RIMS4: variants seen among roughly 807,000 people sequenced by gnomAD.
RIMS4 encodes regulating synaptic membrane exocytosis protein 4.
A neutral mutation model predicts 29.0 loss-of-function variants in RIMS4; 9 were observed. That is an observed-to-expected ratio of 0.31 (90% CI 0.19 to 0.54). RIMS4 has a LOEUF of 0.54. Among genes scored for constraint, RIMS4 ranks in the 20% least tolerant of loss-of-function variants. The pLI is 0.94. For missense variants in RIMS4, 193 were observed against 365.7 expected (o/e 0.53, Z 3.85); for synonymous variants, 130 against 152.9 (o/e 0.85, Z 1.10).
At chr20:44,782,738 G>A (rs868532254) in intron 1 of RIMS4, among the ~76,000 whole-genome samples, 51 of 152,262 alleles carry the variant, frequency 3.3e-4, no homozygotes, top group Middle Eastern at 3.4e-3. Flanking sequence ...TTCTCTATGT[G>A]TATTTCAAAA....
intron 1 of RIMS4, among the ~76,000 whole-genome samples, chr20:44,793,449 T>C (rs1268502814): frequency 6.6e-6 from 1 of 152,106 alleles, no homozygotes; most frequent in African/African-American, 2.4e-5. Context: ...CTCCCTCTGC[T>C]CCCATATCCA....
intron 1 of RIMS4, among the ~76,000 whole-genome samples, chr20:44,789,684 C>T (rs1342467442): frequency 6.6e-6 from 1 of 152,144 alleles, no homozygotes; most frequent in African/African-American, 2.4e-5. Flanking sequence ...GCCTCCTGAG[C>T]AGCTAGGACT....
At chr20:44,769,458 C>A (rs1229469642) in intron 2 of RIMS4, among the ~76,000 whole-genome samples, 1 of 152,198 alleles carries the variant, frequency 6.6e-6, no homozygotes, top group African/African-American at 2.4e-5. Flanking sequence ...CTCAAGCCCA[C>A]CCAGGGGCAT....
At chr20:44,791,341 G>C (rs143650707) in intron 1 of RIMS4, among the ~76,000 whole-genome samples, 73 of 152,344 alleles carry the variant, frequency 4.8e-4, no homozygotes, top group African/African-American at 1.7e-3. Context: ...GTGTTATGAG[G>C]ATGTTAGACT....
chr20:44,771,558 A>G (rs1245406300), intron 1 of RIMS4, 145 bp from the exon 2 acceptor site: 9 of 738,908 alleles, frequency 1.2e-5, no homozygotes, highest in Middle Eastern at 5.2e-4. Flanking sequence ...ACCTCCTCAG[A>G]CTCCTGGCCT....
At chr20:44,758,794 G>A (rs987125010) in intron 2 of RIMS4, among the ~76,000 whole-genome samples, 1 of 152,092 alleles carries the variant, frequency 6.6e-6, no homozygotes, top group African/African-American at 2.4e-5. Context: ...TGAACTATGG[G>A]GAGTGAGACG....
At chr20:44,757,060 G>T in intron 4 of RIMS4, 23 bp from the exon 5 acceptor site, 1 of 1,609,736 alleles carries the variant, frequency 6.2e-7, no homozygotes, top group Non-Finnish European at 8.5e-7. Flanking sequence ...GCCAGCAGGG[G>T]TGAGTTCTAG....
chr20:44,761,630 C>T (rs1195200756), intron 2 of RIMS4, among the ~76,000 whole-genome samples: 1 of 152,180 alleles, frequency 6.6e-6, no homozygotes, highest in Non-Finnish European at 1.5e-5. Flanking sequence ...GATGACGCAT[C>T]CGTTATTAGC....
At chr20:44,759,852 G>C (rs942118004) in intron 2 of RIMS4, among the ~76,000 whole-genome samples, 7 of 152,244 alleles carry the variant, frequency 4.6e-5, no homozygotes, top group African/African-American at 1.7e-4. Flanking sequence ...GTCCCCCAGT[G>C]TTCTGTTTTT....
chr20:44,777,180 C>T (rs1159605101), intron 1 of RIMS4, among the ~76,000 whole-genome samples: 1 of 152,186 alleles, frequency 6.6e-6, no homozygotes, highest in African/African-American at 2.4e-5. Context: ...CATTTACTTC[C>T]ATTCAGCACC....
At chr20:44,790,552 T>C (rs1318059713) in intron 1 of RIMS4, among the ~76,000 whole-genome samples, 1 of 152,234 alleles carries the variant, frequency 6.6e-6, no homozygotes, top group Non-Finnish European at 1.5e-5. Context: ...GCGTCTATGT[T>C]TACCCGCTGC....
chr20:44,809,951 C>A (rs1369456053), intron 1 of RIMS4, among the ~76,000 whole-genome samples: 3 of 151,762 alleles, frequency 2.0e-5, no homozygotes, highest in Non-Finnish European at 2.9e-5. Context: ...AAAGGGCCCA[C>A]CTGCGGGAAA....
chr20:44,756,985 C>T lies in RIMS4; in HGVS notation c.504G>A (p.Lys168=). ...GCGACTTGCGAGCGACTTTGGTCTT[C>T]TTCTTGGCAATGCAGATGCCATTCT... The part of the protein sequence containing the change: ...LLENGICIAK[K]KTKVARKSLD... The change falls in exon 5 of 6, where the codon AAG becomes AAA. Residue 168 remains lysine (K), a synonymous_variant. Transcript: ENST00000372851. This position sits in a 1 kb window ranked among gnomAD's most constrained non-coding sequence, Gnocchi z 5.9. 6.2e-7 allele frequency: 1 copy of T among 1,614,120 alleles called. No homozygotes were observed. The highest frequency in any genetic ancestry group is 8.5e-7 in the Non-Finnish European group (1 of 1,179,994).
At chr20:44,793,166 C>A (rs1297935363) in intron 1 of RIMS4, among the ~76,000 whole-genome samples, 1 of 152,146 alleles carries the variant, frequency 6.6e-6, no homozygotes, top group Non-Finnish European at 1.5e-5. Context: ...CCACCCTGGG[C>A]TGTGCTCACT....
At chr20:44,763,597 A>G (rs891096562) in intron 2 of RIMS4, among the ~76,000 whole-genome samples, 1 of 152,280 alleles carries the variant, frequency 6.6e-6, no homozygotes, top group Non-Finnish European at 1.5e-5. Context: ...GCCCTGTAAC[A>G]GGATTACAAC....
chr20:44,760,402 C>A (rs1246371529), intron 2 of RIMS4, among the ~76,000 whole-genome samples: 1 of 152,204 alleles, frequency 6.6e-6, no homozygotes, highest in Non-Finnish European at 1.5e-5. Context: ...TACATCCCTC[C>A]ATACCCTAGA....
chr20:44,802,032 C>G (rs1189062118), intron 1 of RIMS4, among the ~76,000 whole-genome samples: 7 of 152,144 alleles, frequency 4.6e-5, no homozygotes, highest in African/African-American at 1.7e-4. Flanking sequence ...CCTCCTGCCC[C>G]CAAACTAAAT....
At chr20:44,768,358 C>T (rs575998622) in intron 2 of RIMS4, among the ~76,000 whole-genome samples, 19 of 152,288 alleles carry the variant, frequency 1.2e-4, no homozygotes, top group African/African-American at 4.6e-4. Context: ...TCAGACAGAC[C>T]CAGCGGTGCC....
chr20:44,773,496 C>A (rs1182571733), intron 1 of RIMS4, among the ~76,000 whole-genome samples: 1 of 151,966 alleles, frequency 6.6e-6, no homozygotes, highest in East Asian at 1.9e-4. Flanking sequence ...AAACACCCCC[C>A]CCACACCCCA....
Sources: allele counts gnomAD v4.1 joint callset (sites outside exome capture counted in the v4.1 genomes callset), GRCh38; gene constraint gnomAD v4.1.1; non-coding constraint Gnocchi (gnomAD v3.1); transcripts MANE v1.5; gene names NCBI Gene and HGNC (gene_info 2026-07-23, HGNC 2026-07-21).